POLB: variants seen among roughly 807,000 people sequenced by gnomAD.
POLB encodes the protein 5'-dRP lyase.
A neutral mutation model predicts 52.7 loss-of-function variants in POLB; 37 were observed. The observed-to-expected ratio is 0.70, with a 90% CI of 0.54 to 0.92. The LOEUF is 0.92. POLB is among the 40% of genes least tolerant of loss of function. The pLI is 0.00. For missense variants in POLB, 313 were observed against 400.8 expected (o/e 0.78, Z 1.87); for synonymous variants, 138 against 131.3 (o/e 1.05, Z -0.35).
At chr8:42,369,169 G>T in intron 11 of POLB, 102 bp from the exon 12 acceptor site, 1 of 658,872 alleles carries the variant, frequency 1.5e-6, no homozygotes. Context: ...GAATTCTAGA[G>T]CTGCTAACAT....
intron 10 of POLB, among the ~76,000 whole-genome samples, chr8:42,362,065 A>G (rs1823729710): frequency 6.6e-6 from 1 of 152,148 alleles, no homozygotes; most frequent in Non-Finnish European, 1.5e-5. Flanking sequence ...GATCAAGACC[A>G]TCCTGCCCAA....
In POLB at chr8:42,343,369, T is replaced by TATATATACACAC. The variant is rs761101423; in HGVS notation, c.120-1583_120-1582insTATATACACACA. 1.1e-3 allele frequency among the ~76,000 whole-genome samples: 40 copies of TATATATACACAC among 36,300 alleles called. 1 individual carries two copies. The highest frequency in any genetic ancestry group is 3.2e-3 in the East Asian group (3 of 946). 23.8% of individuals were successfully genotyped at this position (36,300 alleles called of 152,430 possible). A position where few individuals can be genotyped will look rare whatever the true frequency, so the allele number is the denominator to read the frequency against. On this transcript the variant is annotated intron_variant, in intron 2 of 13. Transcript: ENST00000265421. ...AAATATATATATATATATATATATA[T>TATATATACACAC]ACACAAAATTAGCCAGGTGTGGTAG...
chr8:42,366,099 CAAAGGAAAAAAAAA>C (rs1454276097), intron 11 of POLB, among the ~76,000 whole-genome samples: 2 of 144,132 alleles, frequency 1.4e-5, no homozygotes, highest in South Asian at 2.3e-4. Flanking sequence ...GACTCCCTCC[CAAAGGAAAAAAAAA>C]AAAGGAAAAA....
chr8:42,352,306 A>G (rs182899903), intron 5 of POLB, among the ~76,000 whole-genome samples: 6 of 152,312 alleles, frequency 3.9e-5, no homozygotes, highest in Admixed American at 3.3e-4. Flanking sequence ...CTGCTTAGAC[A>G]TCCTTTTTAT....
intron 10 of POLB, among the ~76,000 whole-genome samples, chr8:42,362,021 G>A (rs1475330247): frequency 6.6e-6 from 1 of 152,180 alleles, no homozygotes; most frequent in African/African-American, 2.4e-5. Flanking sequence ...ACAACACTTT[G>A]GGAGGCCAAG....
At chr8:42,342,014 A>C in intron 2 of POLB, 1 of 769,934 alleles carries the variant, frequency 1.3e-6, no homozygotes, top group East Asian at 2.4e-5. Context: ...TTTATCTTCC[A>C]TTAAGTAGTG....
intron 11 of POLB, among the ~76,000 whole-genome samples, 160 bp downstream of exon 11, chr8:42,362,858 C>T (rs980220181): frequency 1.3e-5 from 2 of 152,244 alleles, no homozygotes; most frequent in African/African-American, 4.8e-5. Flanking sequence ...GGCGCGGTGG[C>T]TCACGCCTGT....
chr8:42,351,423 T>C (rs1822973742), intron 5 of POLB, among the ~76,000 whole-genome samples: 1 of 152,232 alleles, frequency 6.6e-6, no homozygotes, highest in South Asian at 2.1e-4. Context: ...CCCCAGACTA[T>C]TGTGCTTGTA....
At chr8:42,359,986 C>T (rs771635510) in intron 9 of POLB, among the ~76,000 whole-genome samples, 1 of 151,362 alleles carries the variant, frequency 6.6e-6, no homozygotes, top group Admixed American at 6.6e-5. Context: ...CTCGCTTTGT[C>T]GCCCAGGCTG....
At chr8:42,355,462 T>C (rs1021372222) in intron 6 of POLB, 54 bp from the exon 7 acceptor site, 13 of 981,778 alleles carry the variant, frequency 1.3e-5, no homozygotes, top group Non-Finnish European at 1.9e-5. Context: ...TTTAGCATTT[T>C]CCCCCCAAAA....
chr8:42,343,193 G>T (rs1367090961), intron 2 of POLB, among the ~76,000 whole-genome samples: 1 of 150,852 alleles, frequency 6.6e-6, no homozygotes, highest in Non-Finnish European at 1.5e-5. Context: ...GTGGTGGCGG[G>T]TGCCTGTAGT....
At chr8:42,343,149 C>T (rs1417896938) in intron 2 of POLB, among the ~76,000 whole-genome samples, 8 of 151,252 alleles carry the variant, frequency 5.3e-5, no homozygotes, top group Non-Finnish European at 8.8e-5. Context: ...GGTGAAACCC[C>T]GTCTTTACTA....
In POLB at chr8:42,362,228, C is replaced by T. The variant is rs185119584; in HGVS notation, c.622-384C>T. On this transcript the variant is annotated intron_variant, in intron 10 of 13. Coordinates refer to ENST00000265421, the MANE Select transcript of POLB (RefSeq NM_002690.3). ...TGAGCCGAGATCGTGCCACTGCACTCCAGCCTGGCAACAGAACGAGACTCC... is the reference window on the plus strand; with the variant it reads ...TGAGCCGAGATCGTGCCACTGCACTTCAGCCTGGCAACAGAACGAGACTCC... 3.3e-3 allele frequency among the ~76,000 whole-genome samples: 502 copies of T among 151,570 alleles called. 3 individuals are homozygous for T. Among genetic ancestry groups the T allele is most frequent in the African/African-American group, 0.012 (476 of 41,228 alleles).
chr8:42,359,402 T>G (rs945728886), intron 9 of POLB, among the ~76,000 whole-genome samples: 3 of 152,092 alleles, frequency 2.0e-5, no homozygotes, highest in Non-Finnish European at 4.4e-5. Flanking sequence ...TCACCCAGGC[T>G]GGAGTGTAGT....
intron 2 of POLB, among the ~76,000 whole-genome samples, chr8:42,343,858 G>A (rs1480654562): frequency 2.0e-5 from 3 of 152,158 alleles, no homozygotes; most frequent in Admixed American, 6.5e-5. Context: ...TAGGCCAGGC[G>A]TGGTGGCTCA....
At chr8:42,346,787 C>G (rs1195705393) in intron 3 of POLB, among the ~76,000 whole-genome samples, 1 of 152,182 alleles carries the variant, frequency 6.6e-6, no homozygotes, top group Non-Finnish European at 1.5e-5. Flanking sequence ...CCACATTCAA[C>G]ATGTGCCACA....
chr8:42,343,582 T>C (rs919921118), intron 2 of POLB, among the ~76,000 whole-genome samples: 3 of 149,144 alleles, frequency 2.0e-5, no homozygotes, highest in African/African-American at 7.3e-5. Flanking sequence ...GTGGCACATT[T>C]TTATGAGGAA....
intron 2 of POLB, 57 bp downstream of exon 2, chr8:42,339,126 G>C: frequency 7.4e-7 from 1 of 1,342,384 alleles, no homozygotes; most frequent in Non-Finnish European, 1.1e-6. Flanking sequence ...TGTTTAGTGT[G>C]GCAATTAACA....
At chr8:42,351,456 T>C (rs867112441) in intron 5 of POLB, among the ~76,000 whole-genome samples, 1 of 152,256 alleles carries the variant, frequency 6.6e-6, no homozygotes, top group Non-Finnish European at 1.5e-5. Context: ...TGTGTATGCA[T>C]TTCTTTCTGT....
Sources: allele counts gnomAD v4.1 joint callset (sites outside exome capture counted in the v4.1 genomes callset), GRCh38; gene constraint gnomAD v4.1.1; transcripts MANE v1.5; gene names NCBI Gene and HGNC (gene_info 2026-07-23, HGNC 2026-07-21).